Variants in FAM83A observed in about 807,000 individuals in gnomAD.
FAM83A encodes scaffolding CK1 anchoring protein A.
In FAM83A, 21 loss-of-function variants were observed where a neutral mutation model predicts 24.4. The observed-to-expected ratio is 0.86, with a 90% CI of 0.61 to 1.24. The LOEUF (loss-of-function observed/expected upper bound fraction) is 1.24, where lower values mean the gene tolerates loss of function less well. Ranked by LOEUF, FAM83A falls within the 50% of genes most tolerant of loss-of-function variation. The probability of loss-of-function intolerance (pLI) is 0.00; values close to 1 mark genes in which losing one functional copy is unlikely to be tolerated. For synonymous variants in FAM83A, 270 were observed against 252.4 expected (o/e 1.07, Z -0.66); for missense variants, 617 against 579.8 (o/e 1.06, Z -0.66).
At chr8:123,194,264 C>A in intron 3 of FAM83A, 116 bp downstream of exon 3, 1 of 1,436,472 alleles carries the variant, frequency 7.0e-7, no homozygotes, top group Non-Finnish European at 9.5e-7. Context: ...AGAAGGTCTC[C>A]CTCTGCCCGG....
At chr8:123,182,241 A>G (rs1311379564), upstream of FAM83A, 2 of 402,256 alleles carry the variant, frequency 5.0e-6, no homozygotes, top group African/African-American at 2.0e-5. Context: ...CTTGGGTGTG[A>G]CCAAGGAGAG....
Position 123,209,830 on chromosome 8 carries a change from C to A in FAM83A, c.*2142C>A, listed in dbSNP as rs553358256. 2.1e-5 allele frequency: 9 copies of A among 437,700 alleles called. No individual in the cohort carries two copies. In the South Asian group the frequency reaches 2.4e-4, roughly 11 times the overall value. 27.1% of individuals were successfully genotyped at this position (437,700 alleles called of 1,614,324 possible). Reference sequence around the variant, plus strand: ...TCCTGGGCACCTGTAACATGTGATGCGCTGCCTGCTGGGAGGTTAGGTCGG... The same window carrying A: ...TCCTGGGCACCTGTAACATGTGATGAGCTGCCTGCTGGGAGGTTAGGTCGG... On this transcript the variant is annotated 3_prime_UTR_variant, in exon 4 of 4. Coordinates refer to ENST00000690554, the Ensembl canonical transcript of FAM83A. This position sits in a 1 kb window ranked among gnomAD's most constrained non-coding sequence, Gnocchi z 4.7.
intron 1 of FAM83A, among the ~76,000 whole-genome samples, chr8:123,187,474 C>T (rs1823842626): frequency 6.6e-6 from 1 of 152,216 alleles, no homozygotes; most frequent in South Asian, 2.1e-4. Flanking sequence ...AAACGCAAAA[C>T]AGTGCCGCCC....
At chr8:123,191,131 G>C (rs1823960428) in intron 1 of FAM83A, among the ~76,000 whole-genome samples, 1 of 152,150 alleles carries the variant, frequency 6.6e-6, no homozygotes, top group South Asian at 2.1e-4. Flanking sequence ...ATTACTTAAA[G>C]TCAGATTGGG....
chr8:123,199,813 C>T (rs1258178027), intron 3 of FAM83A: 1 of 153,808 alleles, frequency 6.5e-6, no homozygotes, highest in Non-Finnish European at 1.5e-5. Context: ...AGCATTATTC[C>T]AGGAAGTAAG....
chr8:123,209,471 C>T lies in FAM83A; in HGVS notation c.*1783C>T, dbSNP rs562442886. 3 of 1,614,174 alleles carry T rather than the reference C, an allele frequency of 1.9e-6. No homozygotes were observed. Among genetic ancestry groups the T allele is most frequent in the South Asian group, 1.1e-5 (1 of 91,076 alleles). On this transcript the variant is annotated 3_prime_UTR_variant, in exon 4 of 4. Transcript: ENST00000690554. This position sits in a 1 kb window ranked among gnomAD's most constrained non-coding sequence, Gnocchi z 4.7. ...AAAACAAAAACAAAAAAACAAACAA[C>T]ACTTTGGTTCCTGATGGCTTTCTGA... is the stretch of plus-strand genomic sequence containing the variant.
chr8:123,201,152 A>T (rs1190161122), intron 3 of FAM83A: 1 of 152,012 alleles, frequency 6.6e-6, no homozygotes, highest in Non-Finnish European at 1.5e-5. Flanking sequence ...TCAAAAAAAA[A>T]CAGAAACAAA....
chr8:123,204,350 C>T (rs1824468846), intron 3 of FAM83A, among the ~76,000 whole-genome samples: 1 of 152,160 alleles, frequency 6.6e-6, no homozygotes, highest in Admixed American at 6.5e-5. Context: ...CTTAAAATCA[C>T]CAATTAAATA....
Position 123,207,115 on chromosome 8 carries a change from T to C in FAM83A, c.774-42T>C, listed in dbSNP as rs768367894. On this transcript the variant is annotated intron_variant, in intron 3 of 3. Coordinates refer to ENST00000690554, the Ensembl canonical transcript of FAM83A. Reference sequence around the variant, plus strand: ...CTCCTCCACTTCCCCTCCCCATCCTTCCCCCTTCTCCTCCATCACTCTCTC... The same window carrying C: ...CTCCTCCACTTCCCCTCCCCATCCTCCCCCCTTCTCCTCCATCACTCTCTC... 16 of 844,916 alleles carry C rather than the reference T, an allele frequency of 1.9e-5. No homozygotes were observed. The Admixed American group carries it at 2.1e-4, about 11-fold the overall frequency. The allele number at this position is 844,916 out of a possible 1,614,324, so 52.3% of individuals were successfully genotyped here. A position where few individuals can be genotyped will look rare whatever the true frequency, so the allele number is the denominator to read the frequency against.
At chr8:123,206,432 A>T (rs1279104664) in intron 3 of FAM83A, among the ~76,000 whole-genome samples, 1 of 152,196 alleles carries the variant, frequency 6.6e-6, no homozygotes, top group Admixed American at 6.5e-5. Context: ...GTGAAAACAC[A>T]GTCCGGCTTC....
intron 3 of FAM83A, among the ~76,000 whole-genome samples, chr8:123,205,393 C>T (rs546142384): frequency 6.6e-6 from 1 of 152,284 alleles, no homozygotes; most frequent in East Asian, 1.9e-4. Flanking sequence ...GCCTCCTGTC[C>T]CGTGGCGGGG....
At chr8:123,198,682 T>G (rs1824241559) in intron 3 of FAM83A, among the ~76,000 whole-genome samples, 1 of 152,198 alleles carries the variant, frequency 6.6e-6, no homozygotes, top group Non-Finnish European at 1.5e-5. Context: ...ATTTCACTTT[T>G]AAACCAAACA....
chr8:123,182,697 G>T, exon 1 of FAM83A: 1 of 1,060,526 alleles, frequency 9.4e-7, no homozygotes, highest in East Asian at 2.6e-5. Context: ...CAGGACAGCG[G>T]TAAATCACTT....
Position 123,188,617 on chromosome 8 carries a change from G to A in FAM83A, c.481-3186G>A, listed in dbSNP as rs189686663. ...TCCTGCCCCAGCCTCCCAAGTAGCC[G>A]GGATTACAGGCGTGCGCCACCACAC... is the stretch of plus-strand genomic sequence containing the variant. On this transcript the variant is annotated intron_variant, in intron 1 of 3. Transcript: ENST00000690554. 1.1e-4 allele frequency among the ~76,000 whole-genome samples: 17 copies of A among 152,052 alleles called. No homozygotes were observed. In the East Asian group the frequency reaches 2.5e-3, roughly 22 times the overall value.
At chr8:123,207,323 C>T (rs1412241342) in exon 4 of FAM83A, 2 of 1,611,464 alleles carry the variant, frequency 1.2e-6, no homozygotes, top group African/African-American at 2.7e-5. Flanking sequence ...CGGAGCAGCC[C>T]CGGCCAATGG....
intron 2 of FAM83A, among the ~76,000 whole-genome samples, chr8:123,192,180 GA>G (rs1824005277): frequency 6.6e-6 from 1 of 152,174 alleles, no homozygotes; most frequent in South Asian, 2.1e-4. Context: ...AGATAACCAT[GA>G]CAGGGAAAGA....
Position 123,198,797 on chromosome 8 carries a change from G to A in FAM83A, c.773+4649G>A, listed in dbSNP as rs111459198. On this transcript the variant is annotated intron_variant, in intron 3 of 3. Coordinates refer to ENST00000690554, the Ensembl canonical transcript of FAM83A. ...CGCTCTTTTGCCTAGCGTGGTGGTG[G>A]CGTGATCTCGGCTCACTGCAGCCTC... is the stretch of plus-strand genomic sequence containing the variant. Among the ~76,000 whole-genome samples, 489 of 152,232 alleles carry A rather than the reference G, an allele frequency of 3.2e-3. 2 individuals are homozygous for A. The highest frequency in any genetic ancestry group is 4.5e-3 in the Non-Finnish European group (305 of 68,022).
chr8:123,204,693 C>T (rs1043169498), intron 3 of FAM83A, among the ~76,000 whole-genome samples: 1 of 151,536 alleles, frequency 6.6e-6, no homozygotes, highest in African/African-American at 2.4e-5. Flanking sequence ...ACCCAGGAGG[C>T]GAGCTTGCAG....
At chr8:123,191,864 C>T (rs979408962) in exon 2 of FAM83A, 3 of 1,614,082 alleles carry the variant, frequency 1.9e-6, no homozygotes, top group Non-Finnish European at 2.5e-6. Flanking sequence ...ATTCTAGAGG[C>T]AGCCAACAAG....
Sources: allele counts gnomAD v4.1 joint callset (sites outside exome capture counted in the v4.1 genomes callset), GRCh38; gene constraint gnomAD v4.1.1; non-coding constraint Gnocchi (gnomAD v3.1); transcripts MANE v1.5; gene names NCBI Gene and HGNC (gene_info 2026-07-23, HGNC 2026-07-21).